The following SMARCA5 variants were observed in gnomAD, a reference collection of about 807,000 sequenced individuals.
SMARCA5 encodes the protein SWI/SNF-related matrix-associated actin-dependent regulator of chromatin subfamily A member 5.
SMARCA5 carries 18 observed loss-of-function variants against 140.4 expected under a neutral mutation model. The ratio of observed to expected loss-of-function variants is 0.13; its 90% CI spans 0.09 to 0.19. SMARCA5 has a LOEUF of 0.19. SMARCA5 is among the 10% of genes least tolerant of loss of function. The probability of loss-of-function intolerance (pLI) is 1.00; values close to 1 mark genes in which losing one functional copy is unlikely to be tolerated. For synonymous variants in SMARCA5, 449 were observed against 419.6 expected (o/e 1.07, Z -0.86); for missense variants, 606 against 1,276.8 (o/e 0.47, Z 8.01).
intron 14 of SMARCA5, among the ~76,000 whole-genome samples, 174 bp from the exon 15 acceptor site, chr4:143,543,335 T>C (rs1440770107): frequency 6.6e-6 from 1 of 152,232 alleles, no homozygotes; most frequent in Admixed American, 6.5e-5. Context: ...AACTGAAAAT[T>C]TGGCATTAAA....
intron 11 of SMARCA5, among the ~76,000 whole-genome samples, chr4:143,537,779 A>G (rs543180884): frequency 1.3e-5 from 2 of 152,030 alleles, no homozygotes; most frequent in Non-Finnish European, 2.9e-5. Flanking sequence ...TTAGCTGGGC[A>G]TGGTGGCATG....
chr4:143,537,917 CAAAA>C (rs34592654), intron 11 of SMARCA5, among the ~76,000 whole-genome samples: 14 of 101,450 alleles, frequency 1.4e-4, no homozygotes, highest in African/African-American at 2.3e-4. Context: ...GACTCCATCT[CAAAA>C]AAAAAAAAAA....
intron 1 of SMARCA5, among the ~76,000 whole-genome samples, chr4:143,516,205 ATTTTTT>A (rs60061501): frequency 8.0e-6 from 1 of 124,414 alleles, no homozygotes; most frequent in Non-Finnish European, 1.7e-5. Context: ...GCATTCATGA[ATTTTTT>A]TTTTTTTTTT....
rs1737730030 is a variant in SMARCA5 at position 143,555,568 on chromosome 4, T to C, written c.*2384T>C. ...ATCTGATCATGATACTGAATAAATG[T>C]CTTTTTTTTTTTTTAACAACAAAGC... On this transcript the variant is annotated 3_prime_UTR_variant, in exon 24 of 24. Transcript: ENST00000283131. 1 of 314,782 alleles carries C rather than the reference T, an allele frequency of 3.2e-6. No individual in the cohort carries two copies. Among genetic ancestry groups the C allele is most frequent in the South Asian group, 3.4e-5 (1 of 29,596 alleles). The allele number at this position is 314,782 out of a possible 1,614,324, so 19.5% of individuals were successfully genotyped here.
chr4:143,524,373 A>G lies in SMARCA5; in HGVS notation c.426A>G (p.Arg142=), dbSNP rs1018239372. ...TTTATTTTCATCTTAACAGTTACCG[A>G]CACCGTAGAACAGAGCAAGAGGAGG... ...KQNLLSVGDY[R]HRRTEQEEDE... Residue 142 remains arginine, a synonymous_variant, in exon 4 of 24, where the codon CGA becomes CGG. Transcript: ENST00000283131. 6.3e-7 allele frequency: 1 copy of G among 1,598,184 alleles called. No individual in the cohort carries two copies. Among genetic ancestry groups the G allele is most frequent in the Non-Finnish European group, 8.5e-7 (1 of 1,173,242 alleles).
At chr4:143,524,749 A>C (rs1278837913) in intron 4 of SMARCA5, among the ~76,000 whole-genome samples, 1 of 152,226 alleles carries the variant, frequency 6.6e-6, no homozygotes, top group African/African-American at 2.4e-5. Flanking sequence ...CCACATAAGA[A>C]AACTAATTTA....
chr4:143,536,806 C>T (rs910034288), intron 11 of SMARCA5, 128 bp downstream of exon 11: 4 of 675,784 alleles, frequency 5.9e-6, no homozygotes, highest in East Asian at 2.7e-5. Context: ...TTAAAAAAAC[C>T]TGTTCATTAT....
At chr4:143,520,659 TG>T (rs1321813679) in intron 2 of SMARCA5, among the ~76,000 whole-genome samples, 4 of 152,232 alleles carry the variant, frequency 2.6e-5, no homozygotes, top group African/African-American at 7.2e-5. Flanking sequence ...GTTGAGTAGT[TG>T]GTTTCCCTGT....
rs1334939917 is a variant in SMARCA5 at position 143,555,181 on chromosome 4, G to A, written c.*1997G>A. ...CTTAGCCACCTTGGTATCGTGGTTT[G>A]GCAAAGTATTGGCCTCTACCACCAT... On this transcript the variant is annotated 3_prime_UTR_variant, in exon 24 of 24. Transcript: ENST00000283131. The A allele has an allele frequency of 2.7e-6, 2 of 729,308 alleles. No homozygotes were observed. The highest frequency in any genetic ancestry group is 1.7e-5 in the African/African-American group (1 of 58,000). The allele number at this position is 729,308 out of a possible 1,614,324, so 45.2% of individuals were successfully genotyped here. A position where few individuals can be genotyped will look rare whatever the true frequency, so the allele number is the denominator to read the frequency against.
intron 11 of SMARCA5, 102 bp from the exon 12 acceptor site, chr4:143,538,485 AGGT>A: frequency 1.1e-6 from 1 of 886,866 alleles, no homozygotes; most frequent in Non-Finnish European, 1.8e-6. Context: ...GTAACCAAGT[AGGT>A]AGCTTTGGAA....
At chr4:143,530,370 A>G in intron 8 of SMARCA5, 88 bp from the exon 9 acceptor site, 2 of 793,258 alleles carry the variant, frequency 2.5e-6, no homozygotes, top group Non-Finnish European at 3.9e-6. Context: ...CAAATTACTA[A>G]TTCTAGAAAT....
chr4:143,514,158 C>G, intron 1 of SMARCA5, 57 bp downstream of exon 1: 3 of 1,429,310 alleles, frequency 2.1e-6, no homozygotes, highest in East Asian at 2.5e-5. Flanking sequence ...AGCTGGCTCC[C>G]TCGCCGGATC....
At position 143,550,118 on chromosome 4, in the gene SMARCA5, A is replaced by G. The variant is rs781711250; in HGVS notation, c.3093+14A>G. The G allele has an allele frequency of 5.2e-6, 7 of 1,344,084 alleles. No homozygotes were observed. The highest frequency in any genetic ancestry group is 7.3e-6 in the Non-Finnish European group (7 of 963,342). 83.3% of individuals were successfully genotyped at this position (1,344,084 alleles called of 1,614,324 possible). ...CCAAAGCCTTCAGTAAGTATTCATG[A>G]ATATGTAAATATGTGGATTATGTAA... is the stretch of plus-strand genomic sequence containing the variant. On this transcript the variant is annotated intron_variant, in intron 23 of 23. Coordinates refer to ENST00000283131, the MANE Select transcript of SMARCA5 (RefSeq NM_003601.4).
chr4:143,519,571 T>A (rs1736912707), intron 2 of SMARCA5, among the ~76,000 whole-genome samples: 1 of 152,120 alleles, frequency 6.6e-6, no homozygotes, highest in Non-Finnish European at 1.5e-5. Context: ...TCTTCCAGGT[T>A]TTTCAGTCTC....
chr4:143,529,777 G>T (rs1737146901), intron 8 of SMARCA5, among the ~76,000 whole-genome samples: 1 of 152,108 alleles, frequency 6.6e-6, no homozygotes, highest in South Asian at 2.1e-4. Context: ...TGTTTTGAAA[G>T]AATAGATTGT....
In SMARCA5 at chr4:143,521,206, C is replaced by G. The variant is rs562397003; in HGVS notation, c.253-223C>G. On this transcript the variant is annotated intron_variant, in intron 2 of 23. Coordinates refer to ENST00000283131, the MANE Select transcript of SMARCA5 (RefSeq NM_003601.4). ...TTGCCACTTCTGATCTGCTTTCTAT[C>G]ACTAGTTAGCATTTCATTTAAGTGG... 1.6e-4 allele frequency among the ~76,000 whole-genome samples: 24 copies of G among 152,224 alleles called. No individual in the cohort carries two copies. In the East Asian group the frequency reaches 4.4e-3, roughly 28 times the overall value.
In SMARCA5 at chr4:143,513,884, C is replaced by G; in HGVS notation, c.-41C>G. The G allele has an allele frequency of 6.5e-7, 1 of 1,530,642 alleles. No individual in the cohort carries two copies. The highest frequency in any genetic ancestry group is 2.5e-5 in the East Asian group (1 of 40,658). 94.8% of individuals were successfully genotyped at this position (1,530,642 alleles called of 1,614,324 possible). A position where few individuals can be genotyped will look rare whatever the true frequency, so the allele number is the denominator to read the frequency against. ...GGCCTCCCCGTCCATCCCCGCCGGACTCGGGCCTCTGGCAGCAGCGGGTGA... is the reference window on the plus strand; with the variant it reads ...GGCCTCCCCGTCCATCCCCGCCGGAGTCGGGCCTCTGGCAGCAGCGGGTGA... On this transcript the variant is annotated 5_prime_UTR_variant, in exon 1 of 24. Transcript: ENST00000283131.
rs1370701221 is a variant in SMARCA5, at chr4:143,554,437, A to G, written c.*1253A>G. The G allele has an allele frequency of 2.0e-5, 3 of 152,006 alleles. No individual in the cohort carries two copies. The highest frequency in any genetic ancestry group is 4.4e-5 in the Non-Finnish European group (3 of 67,972). The allele number at this position is 152,006 out of a possible 1,614,324, so 9.4% of individuals were successfully genotyped here. A position where few individuals can be genotyped will look rare whatever the true frequency, so the allele number is the denominator to read the frequency against. On this transcript the variant is annotated 3_prime_UTR_variant, in exon 24 of 24. Coordinates refer to ENST00000283131, the MANE Select transcript of SMARCA5 (RefSeq NM_003601.4). ...TTTTATTCACTTTTTCCTTTAGGACACATTTCCCTTAATTGGATATCTTTC... is the reference window on the plus strand; with the variant it reads ...TTTTATTCACTTTTTCCTTTAGGACGCATTTCCCTTAATTGGATATCTTTC...
At position 143,540,404 on chromosome 4, in the gene SMARCA5, G is replaced by A. The variant is rs1737405132; in HGVS notation, c.1812G>A (p.Val604=). 5 of 1,612,686 alleles carry A rather than the reference G, an allele frequency of 3.1e-6. No homozygotes were observed. The South Asian group carries it at 3.3e-5, about 11-fold the overall frequency. ...HRIGQTKTVR[V]FRFITDNTVE... is the part of the protein sequence containing the mutation. ...TTGGGCAGACTAAGACAGTCAGAGT[G>A]TTCCGCTTTATAACTGATAACACTG... Residue 604 remains valine (V), a synonymous_variant, in exon 14 of 24, where the codon GTG becomes GTA. Transcript: ENST00000283131.
Sources: gnomAD v4.1 joint callset for allele counts (sites outside exome capture counted in the v4.1 genomes callset) on GRCh38, gnomAD v4.1.1 for gene constraint, MANE v1.5 for transcripts, NCBI Gene and HGNC (gene_info 2026-07-23, HGNC 2026-07-21) for gene names.